POLR3A: variants seen among roughly 807,000 people sequenced by gnomAD.
POLR3A encodes the protein DNA-directed RNA polymerase III subunit RPC1.
POLR3A carries 112 observed loss-of-function variants against 152.8 expected under a neutral mutation model. That is an observed-to-expected ratio of 0.73 (90% CI 0.63 to 0.86). The LOEUF is 0.86. Among genes scored for constraint, POLR3A ranks in the 40% least tolerant of loss-of-function variants. The pLI is 0.00. For missense variants in POLR3A, 1,385 were observed against 1,743.1 expected (o/e 0.79, Z 3.66); for synonymous variants, 615 against 652.1 (o/e 0.94, Z 0.87).
Position 78,008,251 on chromosome 10 carries a change from A to G in POLR3A, c.1910-385T>C, listed in dbSNP as rs190527422. ...ATAAATAATTTGTTACTCATATAAG[A>G]TATTAAATATTAACAAAGGTACCAT... On this transcript the variant is annotated intron_variant, in intron 14 of 30. Coordinates refer to ENST00000372371, the MANE Select transcript of POLR3A (RefSeq NM_007055.4). 2.4e-4 allele frequency among the ~76,000 whole-genome samples: 37 copies of G among 152,350 alleles called. No homozygotes were observed. In the East Asian group the frequency reaches 5.6e-3, roughly 23 times the overall value.
At chr10:78,014,775 A>G (rs1397506583) in intron 10 of POLR3A, among the ~76,000 whole-genome samples, 3 of 152,154 alleles carry the variant, frequency 2.0e-5, no homozygotes, top group Admixed American at 6.6e-5. Flanking sequence ...CTTACTTCCC[A>G]AAATCACAAT....
intron 25 of POLR3A, 42 bp from the exon 26 acceptor site, chr10:77,984,054 C>T: frequency 6.9e-7 from 1 of 1,457,330 alleles, no homozygotes. Context: ...GCCGCTTTCC[C>T]CTTTCCTAAG....
rs893806794 is a variant in POLR3A at position 77,990,842 on chromosome 10, G to A, written c.2901+212C>T. ...TTGGCCAATCTGGTTTTGAACTCCT[G>A]ACCTCAAGTGATCCACCTGCCTCGG... On this transcript the variant is annotated intron_variant, in intron 21 of 30. Coordinates refer to ENST00000372371, the MANE Select transcript of POLR3A (RefSeq NM_007055.4). Among the ~76,000 whole-genome samples the A allele has an allele frequency of 3.3e-5, 5 of 152,124 alleles. No homozygotes were observed. The South Asian group carries it at 8.3e-4, about 25-fold the overall frequency.
In POLR3A at chr10:78,026,722, C is replaced by T. The variant is rs141435657; in HGVS notation, c.45-493G>A. The stretch of plus-strand genomic sequence containing the variant: ...CATCCTCTTATCTTCTCATCCTACA[C>T]ATTCTCCTGAGTGATCATGCCACTC... On this transcript the variant is annotated intron_variant, in intron 1 of 30. Coordinates refer to ENST00000372371, the MANE Select transcript of POLR3A (RefSeq NM_007055.4). 7.1e-3 allele frequency among the ~76,000 whole-genome samples: 1,085 copies of T among 152,316 alleles called. 11 individuals are homozygous for T. Among genetic ancestry groups the T allele is most frequent in the African/African-American group, 0.022 (933 of 41,578 alleles).
intron 11 of POLR3A, among the ~76,000 whole-genome samples, chr10:78,011,364 G>C (rs1359482536): frequency 6.6e-6 from 1 of 152,166 alleles, no homozygotes; most frequent in Admixed American, 6.5e-5. Context: ...GGCAAAAAAG[G>C]GTGTTAGGTA....
intron 16 of POLR3A, among the ~76,000 whole-genome samples, chr10:78,002,546 G>C (rs1318366186): frequency 6.6e-6 from 1 of 151,556 alleles, no homozygotes; most frequent in African/African-American, 2.4e-5. Context: ...TTTTGTTTTT[G>C]TTGGAGACAG....
At chr10:77,988,964 A>G (rs1847222807) in intron 21 of POLR3A, among the ~76,000 whole-genome samples, 1 of 152,204 alleles carries the variant, frequency 6.6e-6, no homozygotes, top group African/African-American at 2.4e-5. Flanking sequence ...AGGGAGTAAA[A>G]TTAACACACC....
chr10:78,001,844 A>C (rs991195992), intron 17 of POLR3A, among the ~76,000 whole-genome samples: 7 of 151,460 alleles, frequency 4.6e-5, no homozygotes, highest in Non-Finnish European at 2.9e-5. Flanking sequence ...GGGTTTTGGC[A>C]TATTGCCCAG....
At chr10:77,983,885 A>G (rs764229739) in intron 26 of POLR3A, 35 bp downstream of exon 26, 2 of 1,338,846 alleles carry the variant, frequency 1.5e-6, no homozygotes, top group African/African-American at 2.9e-5. Context: ...GACTAACAGG[A>G]TGACTTCCTC....
At chr10:77,992,409 T>C (rs755525522) in intron 20 of POLR3A, among the ~76,000 whole-genome samples, 18 of 151,392 alleles carry the variant, frequency 1.2e-4, no homozygotes, top group Non-Finnish European at 2.5e-4. Context: ...GCTGGAACTT[T>C]AGGAGCATGC....
rs759960707 is a variant in POLR3A, at chr10:77,984,241, G to C, written c.3300C>G (p.Leu1100=). Residue 1100 remains leucine (L), a synonymous_variant, in exon 25 of 31, where the codon CTC becomes CTG. Transcript: ENST00000372371. ...GGGTTTTCTCAATTCTCCCTTTCAC[G>C]AGGCGAGCATAATCCGCGTCGTCAT... ...DKDDDADYAR[L]VKGRIEKTLL... is the part of the protein sequence containing the mutation. 5.0e-6 allele frequency: 8 copies of C among 1,612,630 alleles called. No individual in the cohort carries two copies. The highest frequency in any genetic ancestry group is 5.9e-6 in the Non-Finnish European group (7 of 1,178,840).
rs550388126 is a variant in POLR3A at position 78,028,585 on chromosome 10, C to T, written c.44+779G>A. On this transcript the variant is annotated intron_variant, in intron 1 of 30. Transcript: ENST00000372371. ...GAATGCAGGAGGTTGCCCACTGCAA[C>T]CTCTGCCTCCCAGGCTCAAGTGATT... 9.9e-5 allele frequency among the ~76,000 whole-genome samples: 15 copies of T among 152,160 alleles called. No individual in the cohort carries two copies. The South Asian group carries it at 3.1e-3, about 32-fold the overall frequency.
intron 1 of POLR3A, among the ~76,000 whole-genome samples, chr10:78,028,600 C>T (rs570238427): frequency 6.6e-6 from 1 of 152,098 alleles, no homozygotes; most frequent in South Asian, 2.1e-4. Flanking sequence ...GCCTCCCAGG[C>T]TCAAGTGATT....
chr10:78,018,141 G>C lies in POLR3A; in HGVS notation c.1290-425C>G, dbSNP rs530463843. On this transcript the variant is annotated intron_variant, in intron 9 of 30. Transcript: ENST00000372371. ...CAGTGAGCCATGATTGTGCCATTGC[G>C]CTCCAGCCTGAGTGACAGACTGAGA... Among the ~76,000 whole-genome samples, 4 of 147,162 alleles carry C rather than the reference G, an allele frequency of 2.7e-5. No homozygotes were observed. In the South Asian group the frequency reaches 8.7e-4, roughly 32 times the overall value.
chr10:78,024,398 C>T (rs1200363119), intron 5 of POLR3A, 151 bp downstream of exon 5: 10 of 634,030 alleles, frequency 1.6e-5, no homozygotes, highest in East Asian at 1.2e-4. Flanking sequence ...AAGGAATTAT[C>T]GGAGAGCTGT....
In POLR3A at chr10:77,984,309, G is replaced by A; in HGVS notation, c.3243-11C>T. ...GTGATAATTGGAGTGCTGTTGAGAA[G>A]CAAAGGAAAAATGGCACTAGCACAA... On this transcript the variant is annotated splice_polypyrimidine_tract_variant and intron_variant, in intron 24 of 30. Transcript: ENST00000372371. The A allele has an allele frequency of 6.3e-7, 1 of 1,575,408 alleles. No homozygotes were observed. Among genetic ancestry groups the A allele is most frequent in the East Asian group, 2.2e-5 (1 of 44,668 alleles).
At chr10:77,993,968 A>T (rs1847273424) in intron 19 of POLR3A, among the ~76,000 whole-genome samples, 1 of 152,230 alleles carries the variant, frequency 6.6e-6, no homozygotes, top group South Asian at 2.1e-4. Context: ...TCCTCTAGGC[A>T]ACTTCAAAAC....
chr10:78,010,573 T>C, intron 11 of POLR3A, 33 bp from the exon 12 acceptor site: 1 of 1,504,790 alleles, frequency 6.6e-7, no homozygotes, highest in African/African-American at 1.4e-5. Flanking sequence ...CAGTTAGCTG[T>C]TCTCGGATGC....
rs755845907 is a variant in POLR3A, at chr10:78,025,078, T to C, written c.383A>G (p.Tyr128Cys). 4 of 1,614,104 alleles carry C rather than the reference T, an allele frequency of 2.5e-6. No homozygotes were observed. Among genetic ancestry groups the C allele is most frequent in the Non-Finnish European group, 3.4e-6 (4 of 1,180,032 alleles). Reference protein sequence around the residue: ...SQEEKKQFLDYLKRPGLTYLQ... With the variant: ...SQEEKKQFLDCLKRPGLTYLQ... ...GTAGGTCAGGCCGGGCCTCTTTAGA[T>C]AGTCCAGAAACTGCTTCTTCTCCTC... Residue 128 changes from tyrosine to cysteine, a missense_variant, in exon 4 of 31, where the codon TAT (tyrosine) becomes TGT (cysteine). By Grantham distance (194) the Tyr-to-Cys change is radical (BLOSUM62 -2). This residue lies in a region of POLR3A where 493 missense variants were observed against 647.5 expected (regional missense o/e 0.76). Transcript: ENST00000372371.
Sources: gnomAD v4.1 joint callset for allele counts (sites outside exome capture counted in the v4.1 genomes callset) on GRCh38, gnomAD v4.1.1 for gene constraint, gnomAD v4.1.1 regional missense constraint, MANE v1.5 for transcripts, NCBI Gene and HGNC (gene_info 2026-07-23, HGNC 2026-07-21) for gene names.